Variants in GALNTL6 observed in about 807,000 individuals in gnomAD.
GALNTL6 encodes the protein polypeptide N-acetylgalactosaminyltransferase like 6, also known as polypeptide N-acetylgalactosaminyltransferase-like 6.
In GALNTL6, 46 loss-of-function variants were observed where a neutral mutation model predicts 73.7. That is an observed-to-expected ratio of 0.62 (90% CI 0.49 to 0.80). The LOEUF (loss-of-function observed/expected upper bound fraction) is 0.80. Among genes scored for constraint, GALNTL6 ranks in the 30% least tolerant of loss-of-function variants. The pLI is 0.00. For synonymous variants in GALNTL6, 259 were observed against 263.7 expected (o/e 0.98, Z 0.17); for missense variants, 604 against 755.0 (o/e 0.80, Z 2.34).
At chr4:172,418,063 TG>T (rs528817720) in intron 5 of GALNTL6, among the ~76,000 whole-genome samples, 1 of 152,210 alleles carries the variant, frequency 6.6e-6, no homozygotes, top group Non-Finnish European at 1.5e-5. Context: ...AGTTTACAAT[TG>T]TCTTACTCTT....
chr4:172,330,886 A>G (rs746234621), intron 4 of GALNTL6, among the ~76,000 whole-genome samples: 2 of 151,612 alleles, frequency 1.3e-5, no homozygotes, highest in Non-Finnish European at 2.9e-5. Flanking sequence ...TTTTTGTTTC[A>G]TTTTGGGTAG....
At chr4:172,496,212 G>A (rs758156477) in intron 5 of GALNTL6, among the ~76,000 whole-genome samples, 113 of 152,162 alleles carry the variant, frequency 7.4e-4, no homozygotes, top group Non-Finnish European at 1.4e-3. Context: ...TTAAACAACT[G>A]TTATTCTACT....
intron 5 of GALNTL6, among the ~76,000 whole-genome samples, chr4:172,732,199 C>G (rs1021559984): frequency 6.6e-6 from 1 of 152,146 alleles, no homozygotes; most frequent in South Asian, 2.1e-4. Flanking sequence ...TTCATGATTG[C>G]TTCAAGTATT....
intron 5 of GALNTL6, among the ~76,000 whole-genome samples, chr4:172,451,523 G>A (rs916147761): frequency 6.6e-6 from 1 of 152,164 alleles, no homozygotes; most frequent in Non-Finnish European, 1.5e-5. Flanking sequence ...ATAGAAAGTG[G>A]TAAGGATTAG....
At chr4:172,231,101 C>T (rs1192675040) in intron 3 of GALNTL6, among the ~76,000 whole-genome samples, 2 of 152,106 alleles carry the variant, frequency 1.3e-5, no homozygotes, top group Non-Finnish European at 2.9e-5. Flanking sequence ...CATCTTTCCA[C>T]CTTGGCAGTG....
At chr4:172,397,921 A>G (rs956460651) in intron 5 of GALNTL6, among the ~76,000 whole-genome samples, 4 of 152,086 alleles carry the variant, frequency 2.6e-5, no homozygotes, top group South Asian at 2.1e-4. Context: ...TGTTGCCAGT[A>G]TAGTACAAGC....
intron 4 of GALNTL6, among the ~76,000 whole-genome samples, chr4:172,332,900 A>T (rs1741180576): frequency 6.6e-6 from 1 of 152,116 alleles, no homozygotes; most frequent in Non-Finnish European, 1.5e-5. Context: ...TGCTGACTAT[A>T]CTAGTTTACA....
At chr4:172,532,330 C>T (rs1334091494) in intron 5 of GALNTL6, among the ~76,000 whole-genome samples, 2 of 152,108 alleles carry the variant, frequency 1.3e-5, no homozygotes, top group African/African-American at 2.4e-5. Context: ...TGACTAGACA[C>T]AAGCCAAGGA....
chr4:171,935,463 C>G (rs961623820), intron 2 of GALNTL6, among the ~76,000 whole-genome samples: 9 of 152,104 alleles, frequency 5.9e-5, no homozygotes, highest in African/African-American at 2.2e-4. Context: ...TGAAGAAACA[C>G]ACTGACTCTC....
chr4:172,895,117 T>C (rs778031481), intron 8 of GALNTL6, among the ~76,000 whole-genome samples: 4 of 151,676 alleles, frequency 2.6e-5, no homozygotes, highest in Admixed American at 6.6e-5. Flanking sequence ...AGGCAGCATA[T>C]AGTTAGGTCT....
chr4:172,051,377 C>A (rs1432629642), intron 2 of GALNTL6, among the ~76,000 whole-genome samples: 1 of 152,112 alleles, frequency 6.6e-6, no homozygotes, highest in Non-Finnish European at 1.5e-5. Context: ...TACCCAGGTC[C>A]TTGTCTGGAA....
chr4:172,494,785 C>T (rs1386517841), intron 5 of GALNTL6, among the ~76,000 whole-genome samples: 4 of 152,162 alleles, frequency 2.6e-5, no homozygotes, highest in Non-Finnish European at 5.9e-5. Flanking sequence ...TCAGCAAGTC[C>T]AGTCCATCCA....
Position 172,071,125 on chromosome 4 carries a change from A to T in GALNTL6, c.139-158531A>T, listed in dbSNP as rs1731523143. On this transcript the variant is annotated intron_variant, in intron 2 of 12. Coordinates refer to ENST00000506823, the MANE Select transcript of GALNTL6 (RefSeq NM_001034845.3). ...GTGAAAATTGTACTATAGTAAAAAA[A>T]AAGATCCAAATGCAATGGCTTAAAT... 1.8e-5 allele frequency among the ~76,000 whole-genome samples: 2 copies of T among 109,530 alleles called. 1 individual carries two copies. The highest frequency in any genetic ancestry group is 6.9e-5 in the African/African-American group (2 of 29,076). 71.9% of individuals were successfully genotyped at this position (109,530 alleles called of 152,430 possible). A position where few individuals can be genotyped will look rare whatever the true frequency, so the allele number is the denominator to read the frequency against.
intron 2 of GALNTL6, among the ~76,000 whole-genome samples, chr4:171,991,730 G>GTATATATATA (rs1248077137): frequency 2.0e-5 from 2 of 98,182 alleles, no homozygotes; most frequent in African/African-American, 1.2e-4. Context: ...GTGTGTGTGT[G>GTATATATATA]TATATATATA....
In GALNTL6 at chr4:171,948,691, C is replaced by T. The variant is rs947086944; in HGVS notation, c.138+133973C>T. Among the ~76,000 whole-genome samples, 6 of 152,054 alleles carry T rather than the reference C, an allele frequency of 3.9e-5. No homozygotes were observed. In the South Asian group the frequency reaches 6.2e-4, roughly 16 times the overall value. On this transcript the variant is annotated intron_variant, in intron 2 of 12. Transcript: ENST00000506823. ...TGTTTAAGCTAATATTATATTAACGCAATAATATTATGATATTTTTCCTCT... is the reference window on the plus strand; with the variant it reads ...TGTTTAAGCTAATATTATATTAACGTAATAATATTATGATATTTTTCCTCT...
rs1740834004 is a variant in GALNTL6, at chr4:172,804,425, C to T, written c.554-4936C>T. Among the ~76,000 whole-genome samples, 5 of 152,286 alleles carry T rather than the reference C, an allele frequency of 3.3e-5. No homozygotes were observed. In the Middle Eastern group the frequency reaches 0.014, roughly 414 times the overall value. ...ATAAACATCAAAGAAATTTCCTCAC[C>T]ATAGGTATGTACTTAAACATAGAAA... On this transcript the variant is annotated intron_variant, in intron 5 of 12. Transcript: ENST00000506823.
intron 2 of GALNTL6, among the ~76,000 whole-genome samples, chr4:172,010,134 C>A (rs1025585240): frequency 6.6e-6 from 1 of 152,030 alleles, no homozygotes; most frequent in Non-Finnish European, 1.5e-5. Context: ...TTTTATTGCT[C>A]CCTTTGCCTA....
intron 2 of GALNTL6, among the ~76,000 whole-genome samples, chr4:172,141,847 T>C (rs1445921441): frequency 6.6e-6 from 1 of 151,292 alleles, no homozygotes; most frequent in African/African-American, 2.4e-5. Flanking sequence ...GATAATAAGC[T>C]ATGACTGATA....
At position 172,360,360 on chromosome 4, in the gene GALNTL6, TTAA is replaced by T. The variant is rs572362005; in HGVS notation, c.553+11676_553+11678del. On this transcript the variant is annotated intron_variant, in intron 5 of 12. Transcript: ENST00000506823. ...TGCAGTACCATTAAATAAGATTCAC[TTAA>T]TAATTATTACCTTGATTTTAGTCAT... Among the ~76,000 whole-genome samples the T allele has an allele frequency of 1.0e-3, 159 of 152,300 alleles. 3 individuals are homozygous for T. The highest frequency in any genetic ancestry group is 8.9e-3 in the South Asian group (43 of 4,824).
Sources: allele counts gnomAD v4.1 joint callset (sites outside exome capture counted in the v4.1 genomes callset), GRCh38; gene constraint gnomAD v4.1.1; transcripts MANE v1.5; gene names NCBI Gene and HGNC (gene_info 2026-07-23, HGNC 2026-07-21).